Variants in PARP14 observed in about 807,000 individuals in gnomAD.
PARP14 encodes poly(ADP-ribose) polymerase family member 14.
A neutral mutation model predicts 154.2 loss-of-function variants in PARP14; 59 were observed. The observed-to-expected ratio is 0.38, with a 90% confidence interval of 0.31 to 0.48. The LOEUF is 0.48. Among genes scored for constraint, PARP14 ranks in the 20% least tolerant of loss-of-function variants. The pLI, the probability that PARP14 is intolerant of heterozygous loss-of-function variation, is 0.98. For synonymous variants in PARP14, 720 were observed against 780.5 expected (o/e 0.92, Z 1.29); for missense variants, 1,734 against 2,131.6 (o/e 0.81, Z 3.67).
chr3:122,693,818 G>A (rs1169593788), intron 4 of PARP14, among the ~76,000 whole-genome samples: 5 of 149,734 alleles, frequency 3.3e-5, no homozygotes, highest in Non-Finnish European at 5.9e-5. Flanking sequence ...TCCAGCCTGG[G>A]TGACAGAGTG....
At chr3:122,703,547 C>A (rs914306728) in intron 6 of PARP14, among the ~76,000 whole-genome samples, 195 bp from the exon 7 acceptor site, 14 of 152,188 alleles carry the variant, frequency 9.2e-5, no homozygotes, top group African/African-American at 3.4e-4. Flanking sequence ...TACTTTTTGA[C>A]TGCTCTCTTT....
At chr3:122,695,949 A>C (rs184306129) in intron 5 of PARP14, among the ~76,000 whole-genome samples, 1 of 152,336 alleles carries the variant, frequency 6.6e-6, no homozygotes, top group Non-Finnish European at 1.5e-5. Context: ...TAATATATTA[A>C]AAAGGAGATG....
At chr3:122,707,628 A>C (rs936190933) in intron 8 of PARP14, among the ~76,000 whole-genome samples, 1 of 151,962 alleles carries the variant, frequency 6.6e-6, no homozygotes, top group Non-Finnish European at 1.5e-5. Flanking sequence ...AACAAACAAA[A>C]AAACACAAAA....
Position 122,727,821 on chromosome 3 carries a change from A to G in PARP14, c.4951A>G (p.Ile1651Val). 6.2e-7 allele frequency: 1 copy of G among 1,601,904 alleles called. No individual in the cohort carries two copies. Among genetic ancestry groups the G allele is most frequent in the Non-Finnish European group, 8.5e-7 (1 of 1,173,288 alleles). Residue 1651 changes from isoleucine to valine, a missense_variant, in exon 16 of 17, where the codon ATC becomes GTC. Transcript: ENST00000474629. ...CTTTATTAATTTGCAGATTGAGAGG[A>G]TCCAGAATCCAGATCTCTGGAATAG... ...SHFRIEKIER[I>V]QNPDLWNSYQ...
chr3:122,702,852 T>C (rs1270096276), intron 6 of PARP14, among the ~76,000 whole-genome samples: 1 of 151,958 alleles, frequency 6.6e-6, no homozygotes, highest in African/African-American at 2.4e-5. Flanking sequence ...CAGCTAGGCA[T>C]GGTGGCTCAT....
rs1358008747 is a variant in PARP14 at position 122,699,943 on chromosome 3, A to G, written c.1389A>G (p.Glu463=). The G allele has an allele frequency of 1.2e-6, 2 of 1,613,964 alleles. No homozygotes were observed. The highest frequency in any genetic ancestry group is 1.6e-4 in the Middle Eastern group (1 of 6,062). The part of the protein sequence containing the change: ...IESTTQKIKR[E]EQSLKEKMII... Reference sequence around the variant, plus strand: ...GCACTACTCAAAAAATTAAAAGGGAAGAGCAAAGTTTGAAGGAAAAAATGA... The same window carrying G: ...GCACTACTCAAAAAATTAAAAGGGAGGAGCAAAGTTTGAAGGAAAAAATGA... Residue 463 remains glutamate (E), a synonymous_variant, in exon 6 of 17, where the codon GAA becomes GAG. Transcript: ENST00000474629.
At chr3:122,690,522 T>C (rs1003043936) in intron 3 of PARP14, among the ~76,000 whole-genome samples, 1 of 152,038 alleles carries the variant, frequency 6.6e-6, no homozygotes, top group Non-Finnish European at 1.5e-5. Context: ...GTTTGTTTAT[T>C]TATTCATTTA....
In PARP14 at chr3:122,701,589, G is replaced by A; in HGVS notation, c.3035G>A (p.Gly1012Glu). The change falls in exon 6 of 17, where the codon GGA (glycine) becomes GAA (glutamate). Residue 1012 changes from glycine to glutamate, a missense_variant. By Grantham distance (98) the Gly-to-Glu change is moderately conservative. Around this residue, in one of 2 missense-constraint regions of PARP14, gnomAD observed 1,646 missense variants for 1,976.0 expected, o/e 0.83. Transcript: ENST00000474629. This position sits in a 1 kb window ranked among gnomAD's most constrained non-coding sequence, Gnocchi z 4.0. ...GAAAAAGGAAGCCTGGTGTCCCCGG[G>A]AGGCCTGCAGATGCTGTTGGTGAAA... The part of the protein sequence containing the change: ...SWEKGSLVSP[G>E]GLQMLLVKEG... 2 of 1,605,748 alleles carry A rather than the reference G, an allele frequency of 1.2e-6. No homozygotes were observed. The highest frequency in any genetic ancestry group is 1.7e-6 in the Non-Finnish European group (2 of 1,175,738).
At position 122,692,414 on chromosome 3, in the gene PARP14, A is replaced by C; in HGVS notation, c.469A>C (p.Lys157Gln). ...CTCTTTGGTGGCATTTGAAAACCTC[A>C]AGGCAAATGTGACTGACATAATGCT... is the stretch of plus-strand genomic sequence containing the variant. ...ISSLVAFENL[K>Q]ANVTDIMLIL... The change falls in exon 4 of 17, where the codon AAG becomes CAG. Residue 157 changes from lysine (K) to glutamine (Q), a missense_variant. Physicochemically the swap from Lys to Gln is moderately conservative, Grantham distance 53. This residue lies in a region of PARP14 where 1,646 missense variants were observed against 1,976.0 expected (regional missense o/e 0.83). Transcript: ENST00000474629. The C allele has an allele frequency of 6.2e-7, 1 of 1,613,854 alleles. No homozygotes were observed. The highest frequency in any genetic ancestry group is 8.5e-7 in the Non-Finnish European group (1 of 1,179,764).
chr3:122,713,052 C>T (rs1249964759), intron 9 of PARP14, among the ~76,000 whole-genome samples: 1 of 152,224 alleles, frequency 6.6e-6, no homozygotes, highest in Non-Finnish European at 1.5e-5. Flanking sequence ...CCCCACTTAG[C>T]AGATTGCTTC....
At chr3:122,713,657 C>G in intron 10 of PARP14, 84 bp downstream of exon 10, 1 of 1,258,440 alleles carries the variant, frequency 7.9e-7, no homozygotes, top group Non-Finnish European at 1.1e-6. Flanking sequence ...GTTTTTAGAA[C>G]TTTGGCTTGT....
intron 9 of PARP14, among the ~76,000 whole-genome samples, chr3:122,709,628 G>A (rs951705535): frequency 4.6e-5 from 7 of 152,150 alleles, no homozygotes; most frequent in African/African-American, 1.2e-4. Flanking sequence ...ACTGTTTTCC[G>A]TAGTGGTTGT....
intron 15 of PARP14, among the ~76,000 whole-genome samples, chr3:122,726,443 C>G (rs1474003849): frequency 6.6e-6 from 1 of 152,226 alleles, no homozygotes; most frequent in African/African-American, 2.4e-5. Context: ...TACTTCCCTT[C>G]TCTCTGCAAT....
At chr3:122,717,885 C>G (rs1398577643) in intron 12 of PARP14, among the ~76,000 whole-genome samples, 186 bp from the exon 13 acceptor site, 1 of 152,138 alleles carries the variant, frequency 6.6e-6, no homozygotes, top group African/African-American at 2.4e-5. Context: ...CATCCTGGAA[C>G]AAAAACACTT....
At chr3:122,710,823 A>G (rs1939301251) in intron 9 of PARP14, among the ~76,000 whole-genome samples, 1 of 148,926 alleles carries the variant, frequency 6.7e-6, no homozygotes, top group African/African-American at 2.5e-5. Context: ...TTATTTATTT[A>G]TTTATTTATT....
chr3:122,700,459 T>C lies in PARP14; in HGVS notation c.1905T>C (p.Asn635=). 1 of 1,613,244 alleles carries C rather than the reference T, an allele frequency of 6.2e-7. No individual in the cohort carries two copies. Among genetic ancestry groups the C allele is most frequent in the South Asian group, 1.1e-5 (1 of 90,914 alleles). ...CCTCCCCAAACACTGTAATCATCAATGAGTTAACTTCAGAAACCACAGCTG... is the reference window on the plus strand; with the variant it reads ...CCTCCCCAAACACTGTAATCATCAACGAGTTAACTTCAGAAACCACAGCTG... ...QNSSPNTVII[N]ELTSETTAEV... The change falls in exon 6 of 17, where the codon AAT becomes AAC. Residue 635 remains asparagine, a synonymous_variant. Coordinates refer to ENST00000474629, the MANE Select transcript of PARP14 (RefSeq NM_017554.3).
At position 122,700,407 on chromosome 3, in the gene PARP14, C is replaced by T. The variant is rs775303845; in HGVS notation, c.1853C>T (p.Thr618Ile). Residue 618 changes from threonine to isoleucine, a missense_variant, in exon 6 of 17, where the codon ACT becomes ATT. Thr to Ile is a moderately conservative substitution (Grantham distance 89). Around this residue, in one of 2 missense-constraint regions of PARP14, gnomAD observed 1,646 missense variants for 1,976.0 expected, o/e 0.83. Coordinates refer to ENST00000474629, the MANE Select transcript of PARP14 (RefSeq NM_017554.3). Reference protein sequence around the residue: ...VLHGKKWKGLTHNLLKKQNSS... With the variant: ...VLHGKKWKGLIHNLLKKQNSS... ...CATGGCAAGAAATGGAAAGGGCTCACTCACAATTTGCTTAAGAAACAAAAT... is the reference window on the plus strand; with the variant it reads ...CATGGCAAGAAATGGAAAGGGCTCATTCACAATTTGCTTAAGAAACAAAAT... 10 of 1,613,698 alleles carry T rather than the reference C, an allele frequency of 6.2e-6. No homozygotes were observed. The African/African-American group carries it at 1.1e-4, about 17-fold the overall frequency.
At chr3:122,714,072 A>G in intron 11 of PARP14, 138 bp downstream of exon 11, 2 of 786,994 alleles carry the variant, frequency 2.5e-6, no homozygotes, top group South Asian at 3.4e-5. Context: ...CCAATCACAG[A>G]CACTTAGAAG....
chr3:122,728,015 G>A, intron 16 of PARP14, 29 bp downstream of exon 16: 1 of 1,590,276 alleles, frequency 6.3e-7, no homozygotes, highest in Non-Finnish European at 8.6e-7. Context: ...TGGCTGCTTG[G>A]AATGAGGCAT....
Sources: allele counts gnomAD v4.1 joint callset (sites outside exome capture counted in the v4.1 genomes callset), GRCh38; gene constraint gnomAD v4.1.1; regional missense constraint gnomAD v4.1.1; non-coding constraint Gnocchi (gnomAD v3.1); transcripts MANE v1.5; gene names NCBI Gene and HGNC (gene_info 2026-07-23, HGNC 2026-07-21).